Variants in FSD1 observed in about 807,000 individuals in gnomAD.
FSD1 encodes fibronectin type III and SPRY domain containing 1.
Under a neutral mutation model 58.2 loss-of-function variants are expected in FSD1, and 23 were observed. That is an observed-to-expected ratio of 0.40 (90% CI 0.28 to 0.56). The LOEUF is 0.56. FSD1 is among the 20% of genes least tolerant of loss of function. FSD1 has a pLI of 0.54. For missense variants in FSD1, 563 were observed against 670.8 expected (o/e 0.84, Z 1.78); for synonymous variants, 265 against 263.4 (o/e 1.01, Z -0.06).
intron 7 of FSD1, among the ~76,000 whole-genome samples, chr19:4,315,972 G>A (rs1240604188): frequency 6.6e-6 from 1 of 151,808 alleles, no homozygotes. Context: ...CACCATGCTG[G>A]CCAGGCTGGT....
At position 4,310,541 on chromosome 19, in the gene FSD1, C is replaced by T; in HGVS notation, c.435C>T (p.Leu145=). 3 of 1,613,936 alleles carry T rather than the reference C, an allele frequency of 1.9e-6. No individual in the cohort carries two copies. The highest frequency in any genetic ancestry group is 1.1e-5 in the South Asian group (1 of 91,072). The change falls in exon 6 of 13, where the codon CTC becomes CTT. Residue 145 remains leucine (L), a synonymous_variant. Coordinates refer to ENST00000221856, the MANE Select transcript of FSD1 (RefSeq NM_024333.3). The part of the protein sequence containing the change: ...KAKVSDNMSH[L]MVDFAQERQM... ...AGGTCAGTGACAACATGAGTCACCTCATGGTGGACTTCGCGCAAGAGCGGC... is the reference window on the plus strand; with the variant it reads ...AGGTCAGTGACAACATGAGTCACCTTATGGTGGACTTCGCGCAAGAGCGGC...
chr19:4,304,858 AC>A, intron 1 of FSD1, 97 bp downstream of exon 1: 1 of 390,244 alleles, frequency 2.6e-6, no homozygotes, highest in East Asian at 5.5e-5. Flanking sequence ...CCCCGCCTCC[AC>A]CCCAGCTGCT....
intron 10 of FSD1, 30 bp downstream of exon 10, chr19:4,318,981 G>A (rs1971785792): frequency 6.3e-7 from 1 of 1,577,032 alleles, no homozygotes; most frequent in African/African-American, 1.3e-5. Context: ...AGGGGAGAGG[G>A]GAGTTTTGGG....
intron 10 of FSD1, among the ~76,000 whole-genome samples, chr19:4,320,653 G>A (rs187616470): frequency 8.2e-4 from 125 of 152,150 alleles, no homozygotes; most frequent in African/African-American, 2.9e-3. Context: ...GGGAATACCC[G>A]GGAATCAAGG....
intron 7 of FSD1, 113 bp downstream of exon 7, chr19:4,312,164 T>TCTGGAAGCAG: frequency 1.1e-6 from 1 of 950,664 alleles, no homozygotes; most frequent in Non-Finnish European, 1.6e-6. Context: ...GCTCATGGGG[T>TCTGGAAGCAG]CTGGAAGCAG....
intron 1 of FSD1, among the ~76,000 whole-genome samples, chr19:4,305,220 C>G (rs1364995322): frequency 6.6e-6 from 1 of 150,638 alleles, no homozygotes; most frequent in Non-Finnish European, 1.5e-5. Context: ...TGCCCTTCCC[C>G]AAGACCTCCC....
intron 1 of FSD1, 24 bp from the exon 2 acceptor site, chr19:4,305,922 G>T (rs1971615408): frequency 6.4e-7 from 1 of 1,569,540 alleles, no homozygotes; most frequent in African/African-American, 1.3e-5. Flanking sequence ...GCACCTGTGT[G>T]TGTCCACACT....
Position 4,311,960 on chromosome 19 carries a change from G to A in FSD1, c.609G>A (p.Arg203=). The A allele has an allele frequency of 6.2e-7, 1 of 1,612,982 alleles. No homozygotes were observed. The highest frequency in any genetic ancestry group is 8.5e-7 in the Non-Finnish European group (1 of 1,180,002). The part of the protein sequence containing the change: ...SKIDHYVLEY[R]RTNFEGPPRL... The stretch of plus-strand genomic sequence containing the variant: ...TTGACCACTACGTGCTGGAGTACCG[G>A]CGGACCAACTTCGAGGGCCCGCCCC... The change falls in exon 7 of 13, where the codon CGG becomes CGA. Residue 203 remains arginine (R), a synonymous_variant. Coordinates refer to ENST00000221856, the MANE Select transcript of FSD1 (RefSeq NM_024333.3).
At position 4,304,629 on chromosome 19, in the gene FSD1, G is replaced by T; in HGVS notation, c.-118G>T. On this transcript the variant is annotated 5_prime_UTR_variant, in exon 1 of 13. Transcript: ENST00000221856. ...CGCGCGGTGATGGAGCGCTAACCGG[G>T]GGCGCGGCGGCGGCGAGGGCTCGGC... 1.9e-6 allele frequency: 1 copy of T among 539,370 alleles called. No homozygotes were observed. The allele number at this position is 539,370 out of a possible 1,614,324, so 33.4% of individuals were successfully genotyped here.
At chr19:4,322,382 A>G (rs192204233) in intron 10 of FSD1, among the ~76,000 whole-genome samples, 1 of 151,726 alleles carries the variant, frequency 6.6e-6, no homozygotes, top group African/African-American at 2.4e-5. Flanking sequence ...TCTGGGAGGA[A>G]TAGCTGGAGC....
chr19:4,313,945 T>C (rs1204345693), intron 7 of FSD1, among the ~76,000 whole-genome samples: 2 of 151,838 alleles, frequency 1.3e-5, no homozygotes, highest in Non-Finnish European at 2.9e-5. Flanking sequence ...TGAGAATCAC[T>C]TCAGCCTGGG....
intron 8 of FSD1, among the ~76,000 whole-genome samples, chr19:4,317,626 G>A (rs1267347437): frequency 6.6e-6 from 1 of 152,198 alleles, no homozygotes; most frequent in Admixed American, 6.6e-5. Context: ...CTGCTAGGAA[G>A]TCCCTCTGAA....
intron 7 of FSD1, among the ~76,000 whole-genome samples, chr19:4,313,802 G>C (rs2144762455): frequency 6.6e-6 from 1 of 152,042 alleles, no homozygotes; most frequent in African/African-American, 2.4e-5. Context: ...GAGGTGGGTG[G>C]ATCACTTGAG....
intron 4 of FSD1, among the ~76,000 whole-genome samples, 200 bp from the exon 5 acceptor site, chr19:4,310,073 A>T (rs1291876290): frequency 1.3e-5 from 2 of 151,804 alleles, no homozygotes; most frequent in African/African-American, 2.4e-5. Context: ...CTAAAAATAC[A>T]AAAAATTGGC....
intron 10 of FSD1, among the ~76,000 whole-genome samples, chr19:4,319,786 G>A (rs1332838797): frequency 2.6e-5 from 4 of 152,112 alleles, no homozygotes; most frequent in Non-Finnish European, 5.9e-5. Context: ...TTGTGGTGTG[G>A]GGAGTAGCTG....
At chr19:4,310,183 C>T in intron 4 of FSD1, 90 bp from the exon 5 acceptor site, 1 of 1,434,444 alleles carries the variant, frequency 7.0e-7, no homozygotes, top group Non-Finnish European at 9.8e-7. Context: ...CGAGATCTCT[C>T]CACTGCAATC....
In FSD1 at chr19:4,317,060, A is replaced by G. The variant is rs553086330; in HGVS notation, c.701-122A>G. ...GAGCCAGTGCGCCCGGCTGGATAAG[A>G]TGTTTATAAGGTGGTTCTTAGAATG... On this transcript the variant is annotated intron_variant, in intron 7 of 12. Coordinates refer to ENST00000221856, the MANE Select transcript of FSD1 (RefSeq NM_024333.3). 21 of 679,046 alleles carry G rather than the reference A, an allele frequency of 3.1e-5. No individual in the cohort carries two copies. The South Asian group carries it at 3.3e-4, about 11-fold the overall frequency. The allele number at this position is 679,046 out of a possible 1,614,324, so 42.1% of individuals were successfully genotyped here.
At chr19:4,317,006 G>A (rs185690877) in intron 7 of FSD1, among the ~76,000 whole-genome samples, 176 bp from the exon 8 acceptor site, 2,778 of 152,192 alleles carry the variant, frequency 0.018, 45 homozygotes, top group Non-Finnish European at 0.026. Context: ...ATGCGCCTCG[G>A]CCTTCCAAAG....
Position 4,323,690 on chromosome 19 carries a change from C to T in FSD1, c.*47C>T. On this transcript the variant is annotated 3_prime_UTR_variant, in exon 13 of 13. Coordinates refer to ENST00000221856, the MANE Select transcript of FSD1 (RefSeq NM_024333.3). This position sits in a 1 kb window ranked among gnomAD's most constrained non-coding sequence, Gnocchi z 7.7. ...TGGGGTGTTTTTGGGGGAGTCGCCG[C>T]CAAGCCCAGGCTGCTGGAGCCAGGC... The T allele has an allele frequency of 7.3e-7, 1 of 1,368,324 alleles. No individual in the cohort carries two copies. Among genetic ancestry groups the T allele is most frequent in the Non-Finnish European group, 1.0e-6 (1 of 978,600 alleles). The allele number at this position is 1,368,324 out of a possible 1,614,324, so 84.8% of individuals were successfully genotyped here. A position where few individuals can be genotyped will look rare whatever the true frequency, so the allele number is the denominator to read the frequency against.
Sources: gnomAD v4.1 joint callset for allele counts (sites outside exome capture counted in the v4.1 genomes callset) on GRCh38, gnomAD v4.1.1 for gene constraint, Gnocchi (gnomAD v3.1) non-coding constraint, MANE v1.5 for transcripts, NCBI Gene and HGNC (gene_info 2026-07-23, HGNC 2026-07-21) for gene names.